Variants in ARHGAP20 observed in about 807,000 individuals in gnomAD.
The protein encoded by ARHGAP20 is Rho GTPase activating protein 20.
ARHGAP20 carries 34 observed loss-of-function variants against 73.7 expected under a neutral mutation model. The observed-to-expected ratio is 0.46, with a 90% CI of 0.35 to 0.61. ARHGAP20 has a LOEUF of 0.61. Ranked by LOEUF, ARHGAP20 falls within the 20% of genes least tolerant of loss-of-function variation. The pLI is 0.00. For synonymous variants in ARHGAP20, 523 were observed against 518.2 expected (o/e 1.01, Z -0.13); for missense variants, 1,314 against 1,420.9 (o/e 0.92, Z 1.21).
Position 110,615,591 on chromosome 11 carries a change from A to G in ARHGAP20, c.507T>C (p.Ser169=). The change falls in exon 5 of 15, where the codon TCT becomes TCC. Residue 169 remains serine (S), a synonymous_variant. Transcript: ENST00000683387. ...AGAGCCATTTGTCCTTTTGTTCTGG[A>G]GAACTGCAATCAAAGAAAATGGGAG... is the stretch of plus-strand genomic sequence containing the variant. ...PTVNFVATFS[S]PEQKDKWLSL... is the part of the protein sequence containing the mutation. 6.2e-7 allele frequency: 1 copy of G among 1,612,228 alleles called. No individual in the cohort carries two copies. Among genetic ancestry groups the G allele is most frequent in the Non-Finnish European group, 8.5e-7 (1 of 1,179,290 alleles).
At chr11:110,641,541 A>G (rs1313433519) in intron 2 of ARHGAP20, among the ~76,000 whole-genome samples, 1 of 152,076 alleles carries the variant, frequency 6.6e-6, no homozygotes, top group Non-Finnish European at 1.5e-5. Context: ...GAAAAATGAG[A>G]GTATTTGAAC....
intron 2 of ARHGAP20, among the ~76,000 whole-genome samples, chr11:110,652,137 C>T (rs189706553): frequency 1.6e-3 from 237 of 152,162 alleles, no homozygotes; most frequent in African/African-American, 5.3e-3. Context: ...GAGACAAAAA[C>T]GACATGATTA....
chr11:110,658,591 A>G (rs1045112556), intron 2 of ARHGAP20, among the ~76,000 whole-genome samples: 4 of 152,138 alleles, frequency 2.6e-5, no homozygotes, highest in Admixed American at 2.0e-4. Flanking sequence ...TGTGAGAAGG[A>G]AAGCAGACAA....
chr11:110,642,068 G>A lies in ARHGAP20; in HGVS notation c.189-11276C>T, dbSNP rs576374280. ...TACATAATGGTACACTTAAAGGAACGAAATAATTAAACCTGATTAAAAATA... is the reference window on the plus strand; with the variant it reads ...TACATAATGGTACACTTAAAGGAACAAAATAATTAAACCTGATTAAAAATA... On this transcript the variant is annotated intron_variant, in intron 2 of 14. Coordinates refer to ENST00000683387, the MANE Select transcript of ARHGAP20 (RefSeq NM_001384657.1). Among the ~76,000 whole-genome samples, 35 of 152,114 alleles carry A rather than the reference G, an allele frequency of 2.3e-4. No individual in the cohort carries two copies. In the East Asian group the frequency reaches 6.6e-3, roughly 29 times the overall value.
chr11:110,665,162 T>C (rs1949698736), intron 2 of ARHGAP20, among the ~76,000 whole-genome samples: 1 of 152,172 alleles, frequency 6.6e-6, no homozygotes, highest in African/African-American at 2.4e-5. Context: ...AAAACACATA[T>C]GTAAAAATGA....
chr11:110,585,797 T>G (rs75422709), intron 12 of ARHGAP20, among the ~76,000 whole-genome samples: 1 of 152,156 alleles, frequency 6.6e-6, no homozygotes, highest in African/African-American at 2.4e-5. Flanking sequence ...TAGCACTGAT[T>G]GTACTGCATT....
intron 2 of ARHGAP20, among the ~76,000 whole-genome samples, chr11:110,669,498 G>A (rs1949787275): frequency 6.6e-6 from 1 of 151,374 alleles, no homozygotes; most frequent in Non-Finnish European, 1.5e-5. Context: ...CACAAAATGA[G>A]GAGATGTGAA....
chr11:110,673,744 C>T (rs970441123), intron 2 of ARHGAP20, among the ~76,000 whole-genome samples: 1 of 152,118 alleles, frequency 6.6e-6, no homozygotes, highest in Non-Finnish European at 1.5e-5. Flanking sequence ...CAGACAGAAC[C>T]TTATGGCCAC....
chr11:110,643,958 A>G (rs1239848389), intron 2 of ARHGAP20, among the ~76,000 whole-genome samples: 2 of 152,122 alleles, frequency 1.3e-5, no homozygotes, highest in African/African-American at 2.4e-5. Context: ...TAGACTTAAA[A>G]TAGTTAAGTT....
At chr11:110,619,617 GTATGCAGTGATAGAGTA>G (rs1565442128) in intron 4 of ARHGAP20, among the ~76,000 whole-genome samples, 12 of 129,840 alleles carry the variant, frequency 9.2e-5, no homozygotes, top group African/African-American at 2.6e-4. Flanking sequence ...GTGATAGAGT[GTATGCAGTGATAGAGTA>G]TATGCAGTGA....
intron 2 of ARHGAP20, among the ~76,000 whole-genome samples, chr11:110,638,092 G>C (rs1166001342): frequency 6.6e-6 from 1 of 151,982 alleles, no homozygotes; most frequent in Admixed American, 6.6e-5. Flanking sequence ...TCCCTAATCT[G>C]AAAATCCAAA....
intron 2 of ARHGAP20, among the ~76,000 whole-genome samples, chr11:110,648,430 T>C (rs1310663088): frequency 6.6e-6 from 1 of 150,576 alleles, no homozygotes; most frequent in African/African-American, 2.4e-5. Context: ...GAGACACCAG[T>C]AATTATGATT....
intron 2 of ARHGAP20, among the ~76,000 whole-genome samples, chr11:110,689,480 GAATA>G (rs1392799820): frequency 5.9e-5 from 9 of 151,868 alleles, no homozygotes; most frequent in South Asian, 2.1e-4. Flanking sequence ...AAAAATTAGT[GAATA>G]AATTAATGAA....
intron 6 of ARHGAP20, among the ~76,000 whole-genome samples, chr11:110,613,116 A>G (rs1948406312): frequency 6.6e-6 from 1 of 152,236 alleles, no homozygotes; most frequent in South Asian, 2.1e-4. Context: ...AATACTAGGC[A>G]CATATGTTCA....
In ARHGAP20 at chr11:110,712,289, G is replaced by A. The variant is rs1476760882; in HGVS notation, c.-58C>T. The A allele has an allele frequency of 1.6e-6, 2 of 1,250,000 alleles. No homozygotes were observed. The highest frequency in any genetic ancestry group is 1.6e-5 in the African/African-American group (1 of 63,872). The allele number at this position is 1,250,000 out of a possible 1,614,324, so 77.4% of individuals were successfully genotyped here. ...AGGAGGCTACACGATCATGTCCGCG[G>A]GCTGCCGGCCGGAGGGGCGAGGACG... On this transcript the variant is annotated 5_prime_UTR_variant, in exon 1 of 15. Transcript: ENST00000683387.
In ARHGAP20 at chr11:110,618,500, T is replaced by C. The variant is rs552538223; in HGVS notation, c.504-2906A>G. Among the ~76,000 whole-genome samples the C allele has an allele frequency of 4.6e-5, 7 of 152,360 alleles. No individual in the cohort carries two copies. The East Asian group carries it at 1.3e-3, about 29-fold the overall frequency. On this transcript the variant is annotated intron_variant, in intron 4 of 14. Transcript: ENST00000683387. The stretch of plus-strand genomic sequence containing the variant: ...TCCCATTCTTTCATACCGTTATTTG[T>C]GAAATCAAGGTGCAGCACCTATTTT...
chr11:110,636,472 T>C (rs1948970250), intron 2 of ARHGAP20, among the ~76,000 whole-genome samples: 1 of 152,114 alleles, frequency 6.6e-6, no homozygotes, highest in Non-Finnish European at 1.5e-5. Flanking sequence ...TTCCAAAGGA[T>C]TTTCACACAC....
chr11:110,665,532 G>T (rs1414635861), intron 2 of ARHGAP20, among the ~76,000 whole-genome samples: 1 of 152,210 alleles, frequency 6.6e-6, no homozygotes, highest in Non-Finnish European at 1.5e-5. Flanking sequence ...CCAGATAGCA[G>T]CCTAGACAGA....
chr11:110,709,187 T>A (rs533425917), intron 1 of ARHGAP20, among the ~76,000 whole-genome samples: 2 of 152,334 alleles, frequency 1.3e-5, no homozygotes, highest in South Asian at 4.1e-4. Flanking sequence ...CTGAGTAGCC[T>A]GTAACAAAGG....
Sources: allele counts gnomAD v4.1 joint callset (sites outside exome capture counted in the v4.1 genomes callset), GRCh38; gene constraint gnomAD v4.1.1; transcripts MANE v1.5; gene names NCBI Gene and HGNC (gene_info 2026-07-23, HGNC 2026-07-21).